The following ADGRB3 variants were observed in gnomAD, a reference collection of about 807,000 sequenced individuals.
ADGRB3 encodes the protein brain-specific angiogenesis inhibitor 3.
A neutral mutation model predicts 193.4 loss-of-function variants in ADGRB3; 37 were observed. The observed-to-expected ratio is 0.19, with a 90% CI of 0.15 to 0.25. ADGRB3 has a LOEUF of 0.25. Among genes scored for constraint, ADGRB3 ranks in the 10% least tolerant of loss-of-function variants. The pLI, the probability that ADGRB3 is intolerant of heterozygous loss-of-function variation, is 1.00. For missense variants in ADGRB3, 1,637 were observed against 1,852.9 expected (o/e 0.88, Z 2.14); for synonymous variants, 690 against 644.2 (o/e 1.07, Z -1.08).
intron 17 of ADGRB3, among the ~76,000 whole-genome samples, chr6:69,192,560 T>C (rs2150355329): frequency 6.6e-6 from 1 of 152,246 alleles, no homozygotes; most frequent in Non-Finnish European, 1.5e-5. Context: ...CCATCACATT[T>C]TGTATATGAG....
intron 3 of ADGRB3, among the ~76,000 whole-genome samples, chr6:68,894,541 G>T (rs1225852860): frequency 4.0e-5 from 6 of 151,852 alleles, no homozygotes; most frequent in African/African-American, 1.4e-4. Context: ...ACTGCACTTT[G>T]TTCCCTTTAT....
At chr6:69,115,002 G>T (rs1202079985) in intron 17 of ADGRB3, among the ~76,000 whole-genome samples, 1 of 152,174 alleles carries the variant, frequency 6.6e-6, no homozygotes, top group Non-Finnish European at 1.5e-5. Context: ...TGGTGGGAGT[G>T]TAAATTCGTT....
chr6:69,080,548 G>A (rs1245736184), intron 17 of ADGRB3, among the ~76,000 whole-genome samples: 4 of 151,812 alleles, frequency 2.6e-5, no homozygotes, highest in Admixed American at 6.6e-5. Flanking sequence ...ACCAAGAATA[G>A]TAACCACGTA....
chr6:69,340,957 A>G (rs1285422999), intron 26 of ADGRB3, among the ~76,000 whole-genome samples: 2 of 152,168 alleles, frequency 1.3e-5, no homozygotes, highest in Admixed American at 6.5e-5. Context: ...TCCTTTTTCA[A>G]TAGCTGCAGA....
chr6:69,165,334 A>G (rs150992056), intron 17 of ADGRB3, among the ~76,000 whole-genome samples: 311 of 152,122 alleles, frequency 2.0e-3, no homozygotes, highest in African/African-American at 7.3e-3. Context: ...AAAATCCAAA[A>G]TATGTAGGAC....
At chr6:69,172,671 A>G (rs892494103) in intron 17 of ADGRB3, among the ~76,000 whole-genome samples, 1,553 of 138,006 alleles carry the variant, frequency 0.011, 115 homozygotes, top group Non-Finnish European at 0.017. Flanking sequence ...AAAAAAAAAA[A>G]AGAGAAATAA....
chr6:69,267,105 G>C (rs1218298038), intron 20 of ADGRB3, among the ~76,000 whole-genome samples: 1 of 152,046 alleles, frequency 6.6e-6, no homozygotes, highest in East Asian at 1.9e-4. Context: ...TTGTCTATTT[G>C]TCAGGGCGAG....
intron 12 of ADGRB3, among the ~76,000 whole-genome samples, chr6:69,018,003 T>C (rs1770145420): frequency 6.6e-6 from 1 of 151,952 alleles, no homozygotes; most frequent in Non-Finnish European, 1.5e-5. Context: ...ATATTAACTC[T>C]TTTTCCTCTT....
In ADGRB3 at chr6:68,730,861, T is replaced by G. The variant is rs1413331504; in HGVS notation, c.757+91429T>G. On this transcript the variant is annotated intron_variant, in intron 3 of 31. Coordinates refer to ENST00000370598, the MANE Select transcript of ADGRB3 (RefSeq NM_001704.3). ...CAAAACTCTGTAGTTAGCTTTTATT[T>G]CAGACGTTAATCTACAGATTGAGAA... 9.2e-5 allele frequency among the ~76,000 whole-genome samples: 14 copies of G among 151,680 alleles called. No homozygotes were observed. In the Admixed American group the frequency reaches 9.2e-4, roughly 10 times the overall value.
In ADGRB3 at chr6:69,214,321, G is replaced by A. The variant is rs558228290; in HGVS notation, c.2481-18969G>A. Among the ~76,000 whole-genome samples the A allele has an allele frequency of 5.3e-5, 8 of 152,212 alleles. No individual in the cohort carries two copies. In the East Asian group the frequency reaches 1.5e-3, roughly 29 times the overall value. On this transcript the variant is annotated intron_variant, in intron 17 of 31. Coordinates refer to ENST00000370598, the MANE Select transcript of ADGRB3 (RefSeq NM_001704.3). ...TAATACATGACTATATGAGGTACCTGATATGGCTTTTCAGCAGCCCTTGAG... is the reference window on the plus strand; with the variant it reads ...TAATACATGACTATATGAGGTACCTAATATGGCTTTTCAGCAGCCCTTGAG...
intron 3 of ADGRB3, among the ~76,000 whole-genome samples, chr6:68,754,598 C>G (rs1766264313): frequency 6.6e-6 from 1 of 151,998 alleles, no homozygotes; most frequent in Non-Finnish European, 1.5e-5. Flanking sequence ...ACCAGGTGTT[C>G]TCCAGCAGAA....
At chr6:68,938,381 AT>A (rs1767538685) in intron 5 of ADGRB3, among the ~76,000 whole-genome samples, 1 of 151,014 alleles carries the variant, frequency 6.6e-6, no homozygotes, top group Non-Finnish European at 1.5e-5. Flanking sequence ...ATTTTATTTT[AT>A]TTTTTAAACT....
intron 8 of ADGRB3, among the ~76,000 whole-genome samples, chr6:68,967,781 TAAAGG>T (rs1308198487): frequency 6.6e-6 from 1 of 151,666 alleles, no homozygotes; most frequent in Non-Finnish European, 1.5e-5. Context: ...TGGAGAAAGA[TAAAGG>T]AGAGGAAGGG....
At chr6:68,771,395 C>T (rs951888050) in intron 3 of ADGRB3, among the ~76,000 whole-genome samples, 22 of 151,448 alleles carry the variant, frequency 1.5e-4, no homozygotes, top group African/African-American at 4.8e-4. Flanking sequence ...TACACACACA[C>T]ACACACACAC....
At chr6:68,866,975 A>G (rs763533738) in intron 3 of ADGRB3, among the ~76,000 whole-genome samples, 24 of 152,368 alleles carry the variant, frequency 1.6e-4, no homozygotes, top group Admixed American at 8.5e-4. Flanking sequence ...AAAGCAGAGT[A>G]TAAAAGTTTG....
At chr6:68,694,598 A>G (rs2082269925) in intron 3 of ADGRB3, among the ~76,000 whole-genome samples, 3 of 151,592 alleles carry the variant, frequency 2.0e-5, no homozygotes, top group Admixed American at 1.3e-4. Flanking sequence ...TATTTTTCCT[A>G]TTGTTTACCT....
intron 3 of ADGRB3, among the ~76,000 whole-genome samples, chr6:68,708,292 G>A (rs1288758233): frequency 1.3e-5 from 2 of 152,160 alleles, no homozygotes; most frequent in Non-Finnish European, 2.9e-5. Flanking sequence ...TTTTAGTGAA[G>A]CAAAAGGTTC....
At chr6:69,013,981 T>C (rs1216778525) in intron 11 of ADGRB3, 57 bp from the exon 12 acceptor site, 14 of 1,248,726 alleles carry the variant, frequency 1.1e-5, no homozygotes, top group Non-Finnish European at 1.3e-5. Context: ...ATGGGTGTTA[T>C]TAAAAAGTAT....
intron 17 of ADGRB3, among the ~76,000 whole-genome samples, chr6:69,103,395 C>G (rs1189155206): frequency 6.6e-6 from 1 of 152,084 alleles, no homozygotes; most frequent in Non-Finnish European, 1.5e-5. Flanking sequence ...GCTTAGACAA[C>G]CAAATTAAAC....
Sources: gnomAD v4.1 joint callset for allele counts (sites outside exome capture counted in the v4.1 genomes callset) on GRCh38, gnomAD v4.1.1 for gene constraint, MANE v1.5 for transcripts, NCBI Gene and HGNC (gene_info 2026-07-23, HGNC 2026-07-21) for gene names.